Variants in UBE2E2 observed in about 807,000 individuals in gnomAD.
The protein encoded by UBE2E2 is ubiquitin conjugating enzyme E2 E2, also known as ubiquitin-conjugating enzyme E2 E2.
In UBE2E2, 6 loss-of-function variants were observed where a neutral mutation model predicts 24.7. The observed-to-expected ratio is 0.24, with a 90% CI of 0.13 to 0.48. The LOEUF is 0.48. Among genes scored for constraint, UBE2E2 ranks in the 20% least tolerant of loss-of-function variants. The pLI, the probability that UBE2E2 is intolerant of heterozygous loss-of-function variation, is 0.99. For missense variants in UBE2E2, 169 were observed against 245.0 expected, an observed-to-expected ratio of 0.69 and a Z score of 2.07; for synonymous variants, 104 against 83.6, an observed-to-expected ratio of 1.24 and a Z score of -1.33.
chr3:23,563,515 G>A (rs139227935), intron 5 of UBE2E2, among the ~76,000 whole-genome samples: 4 of 152,230 alleles, frequency 2.6e-5, no homozygotes, highest in East Asian at 3.9e-4. Context: ...TGGAATAGGT[G>A]TGTGGTGCTG....
intron 3 of UBE2E2, among the ~76,000 whole-genome samples, chr3:23,258,909 A>AG (rs1490030038): frequency 4.6e-5 from 7 of 150,726 alleles, no homozygotes; most frequent in African/African-American, 1.2e-4. Flanking sequence ...AGAAAAAAAA[A>AG]AAAAAAAAAA....
At chr3:23,420,317 G>A (rs1203792820) in intron 3 of UBE2E2, among the ~76,000 whole-genome samples, 1 of 152,184 alleles carries the variant, frequency 6.6e-6, no homozygotes, top group Non-Finnish European at 1.5e-5. Flanking sequence ...TATAAATAAT[G>A]ATTGAATATC....
chr3:23,209,316 A>G (rs190103040), intron 2 of UBE2E2, among the ~76,000 whole-genome samples: 3 of 152,344 alleles, frequency 2.0e-5, no homozygotes, highest in African/African-American at 7.2e-5. Flanking sequence ...CATTAGCAAC[A>G]GGTGCATCTT....
At chr3:23,318,324 T>G (rs936030437) in intron 3 of UBE2E2, among the ~76,000 whole-genome samples, 3 of 152,104 alleles carry the variant, frequency 2.0e-5, no homozygotes, top group African/African-American at 7.2e-5. Flanking sequence ...CAGCTAACCT[T>G]TCATTAAATG....
intron 3 of UBE2E2, among the ~76,000 whole-genome samples, chr3:23,249,690 C>CT (rs1697518785): frequency 6.6e-6 from 1 of 151,082 alleles, no homozygotes. Flanking sequence ...GAGTCTTGCT[C>CT]TTTCGCGCAG....
intron 3 of UBE2E2, among the ~76,000 whole-genome samples, chr3:23,298,739 C>T (rs1218687361): frequency 6.6e-6 from 1 of 151,858 alleles, no homozygotes; most frequent in Non-Finnish European, 1.5e-5. Flanking sequence ...GGATATTGGT[C>T]TAAAATTCTC....
At chr3:23,419,581 C>T (rs577806865) in intron 3 of UBE2E2, among the ~76,000 whole-genome samples, 1 of 152,280 alleles carries the variant, frequency 6.6e-6, no homozygotes, top group Admixed American at 6.5e-5. Flanking sequence ...AGAATCTGTG[C>T]TTTTGTTATG....
At chr3:23,387,210 A>G (rs1170791674) in intron 3 of UBE2E2, among the ~76,000 whole-genome samples, 1 of 152,228 alleles carries the variant, frequency 6.6e-6, no homozygotes, top group Non-Finnish European at 1.5e-5. Flanking sequence ...TAGACTGGTT[A>G]TAGATTTCTG....
At chr3:23,393,477 C>G (rs1467455355) in intron 3 of UBE2E2, among the ~76,000 whole-genome samples, 5 of 152,132 alleles carry the variant, frequency 3.3e-5, no homozygotes, top group Admixed American at 2.6e-4. Flanking sequence ...ATTATCAGGT[C>G]CTGCCCTGGA....
chr3:23,522,845 A>G (rs1233404512), intron 4 of UBE2E2, among the ~76,000 whole-genome samples: 1 of 152,180 alleles, frequency 6.6e-6, no homozygotes, highest in African/African-American at 2.4e-5. Flanking sequence ...TGAAGATGCA[A>G]ATGCAAAACA....
chr3:23,214,185 T>TA (rs1429138574), intron 2 of UBE2E2, among the ~76,000 whole-genome samples: 3 of 152,182 alleles, frequency 2.0e-5, no homozygotes, highest in Non-Finnish European at 4.4e-5. Flanking sequence ...TATTGAATAA[T>TA]ATAGACCTAG....
Position 23,389,523 on chromosome 3 carries a change from A to G in UBE2E2, c.228-110085A>G, listed in dbSNP as rs745790057. The G allele has an allele frequency of 4.5e-5, 8 of 177,950 alleles. No individual in the cohort carries two copies. In the East Asian group the frequency reaches 5.2e-4, roughly 12 times the overall value. The allele number at this position is 177,950 out of a possible 1,614,324, so 11.0% of individuals were successfully genotyped here. On this transcript the variant is annotated intron_variant, in intron 3 of 5. Coordinates refer to ENST00000396703, the MANE Select transcript of UBE2E2 (RefSeq NM_152653.4). Reference sequence around the variant, plus strand: ...AGTGAAAGGTGCAGTGCTTTCTCCAAAGTTCTCCGAAGCAACCACTGAGTC... The same window carrying G: ...AGTGAAAGGTGCAGTGCTTTCTCCAGAGTTCTCCGAAGCAACCACTGAGTC...
chr3:23,292,179 G>A (rs552985242), intron 3 of UBE2E2, among the ~76,000 whole-genome samples: 8 of 152,104 alleles, frequency 5.3e-5, no homozygotes, highest in East Asian at 3.9e-4. Flanking sequence ...GGGTTTTGCC[G>A]TGTTGCCTAG....
intron 3 of UBE2E2, among the ~76,000 whole-genome samples, chr3:23,289,244 G>A (rs984087005): frequency 4.6e-5 from 7 of 152,212 alleles, no homozygotes; most frequent in Non-Finnish European, 7.3e-5. Flanking sequence ...AAGTGGAAAC[G>A]TGGTCAGTCT....
rs151041912 is a variant in UBE2E2 at position 23,253,869 on chromosome 3, AAAAAG to A, written c.227+36559_227+36563del. ...AAGTATAAATATGAAAAATCCCTAG[AAAAAG>A]ATAATTTATAATCCTTGTGCTACAG... On this transcript the variant is annotated intron_variant, in intron 3 of 5. Coordinates refer to ENST00000396703, the MANE Select transcript of UBE2E2 (RefSeq NM_152653.4). 5.1e-3 allele frequency among the ~76,000 whole-genome samples: 775 copies of A among 152,326 alleles called. 7 individuals carry two copies. The highest frequency in any genetic ancestry group is 0.018 in the African/African-American group (742 of 41,566).
chr3:23,220,774 G>C (rs1696612093), intron 3 of UBE2E2, among the ~76,000 whole-genome samples: 1 of 152,210 alleles, frequency 6.6e-6, no homozygotes, highest in South Asian at 2.1e-4. Flanking sequence ...TATCCTTACA[G>C]ACCTCTAACA....
chr3:23,469,341 A>G (rs1374091581), intron 3 of UBE2E2, among the ~76,000 whole-genome samples: 1 of 152,246 alleles, frequency 6.6e-6, no homozygotes, highest in Non-Finnish European at 1.5e-5. Context: ...TAATAGATAA[A>G]GAATGGATAT....
chr3:23,212,484 C>A (rs900332133), intron 2 of UBE2E2, among the ~76,000 whole-genome samples: 1 of 152,050 alleles, frequency 6.6e-6, no homozygotes, highest in African/African-American at 2.4e-5. Flanking sequence ...GCTGCTTTTA[C>A]GGGTTGATAC....
chr3:23,445,909 G>C (rs959855311), intron 3 of UBE2E2, among the ~76,000 whole-genome samples: 1 of 152,124 alleles, frequency 6.6e-6, no homozygotes. Flanking sequence ...GAACCCCAAG[G>C]ATCAGCATTG....
Sources: allele counts gnomAD v4.1 joint callset (sites outside exome capture counted in the v4.1 genomes callset), GRCh38; gene constraint gnomAD v4.1.1; transcripts MANE v1.5; gene names NCBI Gene and HGNC (gene_info 2026-07-23, HGNC 2026-07-21).